The following SORCS1 variants were observed in gnomAD, a reference collection of about 807,000 sequenced individuals.
SORCS1 encodes the protein sortilin related VPS10 domain containing receptor 1, also known as VPS10 domain-containing receptor SorCS1.
In SORCS1, 60 loss-of-function variants were observed where a neutral mutation model predicts 146.1. The ratio of observed to expected loss-of-function variants is 0.41; its 90% CI spans 0.33 to 0.51. The LOEUF (loss-of-function observed/expected upper bound fraction) is 0.51, where lower values mean the gene tolerates loss of function less well. Ranked by LOEUF, SORCS1 falls within the 20% of genes least tolerant of loss-of-function variation. The pLI is 0.21. For missense variants in SORCS1, 1,352 were observed against 1,487.6 expected (o/e 0.91, Z 1.50); for synonymous variants, 637 against 584.0 (o/e 1.09, Z -1.31).
intron 2 of SORCS1, among the ~76,000 whole-genome samples, chr10:106,937,671 A>T (rs983215394): frequency 2.6e-5 from 4 of 152,186 alleles, no homozygotes; most frequent in Admixed American, 1.3e-4. Context: ...TAGCAGTATG[A>T]AAATGGTCTA....
intron 3 of SORCS1, among the ~76,000 whole-genome samples, chr10:106,817,507 A>G (rs1947801137): frequency 6.6e-6 from 1 of 151,988 alleles, no homozygotes; most frequent in Non-Finnish European, 1.5e-5. Context: ...CCCAATATTC[A>G]CCCACTCCTG....
intron 17 of SORCS1, among the ~76,000 whole-genome samples, chr10:106,657,779 T>C (rs1850419031): frequency 6.6e-6 from 1 of 151,854 alleles, no homozygotes; most frequent in African/African-American, 2.4e-5. Context: ...AAATTCATTC[T>C]CTTACTCTAT....
intron 3 of SORCS1, among the ~76,000 whole-genome samples, chr10:106,789,446 T>C (rs1245114791): frequency 6.6e-6 from 1 of 152,204 alleles, no homozygotes; most frequent in Admixed American, 6.5e-5. Context: ...TGCTTTGAAA[T>C]TTCTTCTGCC....
intron 12 of SORCS1, among the ~76,000 whole-genome samples, chr10:106,678,914 T>C (rs1027950847): frequency 6.6e-6 from 1 of 152,200 alleles, no homozygotes; most frequent in African/African-American, 2.4e-5. Flanking sequence ...AATCTACCCT[T>C]AAGGCTGCAT....
chr10:106,940,382 A>G (rs1378073320), intron 2 of SORCS1, among the ~76,000 whole-genome samples: 1 of 152,212 alleles, frequency 6.6e-6, no homozygotes, highest in Non-Finnish European at 1.5e-5. Flanking sequence ...CTATGCACCA[A>G]GGTCTGTACT....
intron 4 of SORCS1, among the ~76,000 whole-genome samples, chr10:106,765,259 C>T (rs1165293766): frequency 6.6e-6 from 1 of 152,104 alleles, no homozygotes; most frequent in East Asian, 1.9e-4. Flanking sequence ...CCAACACTCA[C>T]CTGTGCTCAA....
chr10:107,119,791 GTAGA>G (rs1221288121), intron 1 of SORCS1, among the ~76,000 whole-genome samples: 2 of 152,086 alleles, frequency 1.3e-5, no homozygotes, highest in Non-Finnish European at 2.9e-5. Context: ...GACTAAACAA[GTAGA>G]TAGGTCACAA....
chr10:106,759,573 T>C (rs1858919965), intron 5 of SORCS1, among the ~76,000 whole-genome samples: 2 of 152,184 alleles, frequency 1.3e-5, no homozygotes, highest in African/African-American at 4.8e-5. Context: ...TTTGCCAGAA[T>C]CTAAGATCTT....
At chr10:106,977,156 C>G (rs1399930621) in intron 1 of SORCS1, among the ~76,000 whole-genome samples, 1 of 152,202 alleles carries the variant, frequency 6.6e-6, no homozygotes, top group Non-Finnish European at 1.5e-5. Context: ...CTCCCACCAA[C>G]AGTATAAAAG....
chr10:107,144,679 G>A, intron 1 of SORCS1, among the ~76,000 whole-genome samples: 1 of 152,234 alleles, frequency 6.6e-6, no homozygotes, highest in East Asian at 1.9e-4. Flanking sequence ...AACCCCAGCT[G>A]AAGAGCCAGG....
intron 1 of SORCS1, among the ~76,000 whole-genome samples, chr10:107,156,255 A>G (rs1339989337): frequency 6.6e-6 from 1 of 152,236 alleles, no homozygotes; most frequent in African/African-American, 2.4e-5. Context: ...AGCATGATTT[A>G]TAGCACAAAG....
chr10:106,595,325 G>C (rs1346000381), intron 24 of SORCS1, among the ~76,000 whole-genome samples: 1 of 152,138 alleles, frequency 6.6e-6, no homozygotes, highest in East Asian at 1.9e-4. Context: ...GGATGTGTTA[G>C]GGTGAAAAGA....
intron 6 of SORCS1, among the ~76,000 whole-genome samples, chr10:106,710,786 C>T (rs1228906592): frequency 1.3e-5 from 2 of 152,190 alleles, no homozygotes; most frequent in African/African-American, 4.8e-5. Context: ...ATCTCTTCTA[C>T]TCTCTCTGTG....
Sources: gnomAD v4.1 joint callset for allele counts (sites outside exome capture counted in the v4.1 genomes callset) on GRCh38, gnomAD v4.1.1 for gene constraint, MANE v1.5 for transcripts, NCBI Gene and HGNC (gene_info 2026-07-23, HGNC 2026-07-21) for gene names.